LARGE1: variants seen among roughly 807,000 people sequenced by gnomAD.
LARGE1 encodes the protein xylosyl- and glucuronyltransferase LARGE1.
A neutral mutation model predicts 87.6 loss-of-function variants in LARGE1; 43 were observed. The ratio of observed to expected loss-of-function variants is 0.49; its 90% CI spans 0.38 to 0.63. LARGE1 has a LOEUF of 0.63. Ranked by LOEUF, LARGE1 falls within the 30% of genes least tolerant of loss-of-function variation. The pLI, the probability that LARGE1 is intolerant of heterozygous loss-of-function variation, is 0.00. For synonymous variants in LARGE1, 434 were observed against 394.6 expected (o/e 1.10, Z -1.18); for missense variants, 802 against 1,000.2 (o/e 0.80, Z 2.67).
At chr22:33,201,117 T>C (rs754682697) in intron 11 of LARGE1, among the ~76,000 whole-genome samples, 2 of 152,126 alleles carry the variant, frequency 1.3e-5, no homozygotes, top group African/African-American at 2.4e-5. Flanking sequence ...GTGACCAGCC[T>C]GACCAACATG....
chr22:33,876,305 C>T (rs941179274), intron 1 of LARGE1, among the ~76,000 whole-genome samples: 2 of 151,620 alleles, frequency 1.3e-5, no homozygotes, highest in Non-Finnish European at 2.9e-5. Flanking sequence ...TGTGGGCCCA[C>T]GAAGGTAATT....
At chr22:33,133,522 T>A in the LARGE1 span, among the ~76,000 whole-genome samples, 1 of 152,256 alleles carries the variant, frequency 6.6e-6, no homozygotes, top group African/African-American at 2.4e-5. Context: ...TCCTTTTTAA[T>A]GACTGCATAG....
chr22:33,663,800 A>G (rs923571852), intron 2 of LARGE1, among the ~76,000 whole-genome samples: 3 of 152,168 alleles, frequency 2.0e-5, no homozygotes, highest in Admixed American at 6.5e-5. Flanking sequence ...GAGCCCCTAC[A>G]TATACAAGCC....
intron 11 of LARGE1, among the ~76,000 whole-genome samples, chr22:33,181,392 A>G (rs967152181): frequency 6.6e-6 from 1 of 152,076 alleles, no homozygotes; most frequent in Non-Finnish European, 1.5e-5. Context: ...TAATATCTCC[A>G]TTTTAAAGAT....
the LARGE1 span, among the ~76,000 whole-genome samples, chr22:33,103,432 CAAAAAAAAAAA>C: frequency 8.9e-5 from 3 of 33,802 alleles, no homozygotes; most frequent in African/African-American, 3.3e-4. Flanking sequence ...GACTCTGTCT[CAAAAAAAAAAA>C]AAAAAAAAAA....
intron 9 of LARGE1, 122 bp downstream of exon 9, chr22:33,381,797 C>T: frequency 3.1e-6 from 4 of 1,284,200 alleles, no homozygotes; most frequent in Non-Finnish European, 4.5e-6. Flanking sequence ...ACTCATTCTG[C>T]TCTCCTGTGC....
Position 33,635,155 on chromosome 22 carries a change from A to G in LARGE1, c.409-8829T>C, listed in dbSNP as rs141540560. 2.0e-5 allele frequency among the ~76,000 whole-genome samples: 3 copies of G among 151,868 alleles called. No individual in the cohort carries two copies. In the East Asian group the frequency reaches 5.8e-4, roughly 30 times the overall value. On this transcript the variant is annotated intron_variant, in intron 3 of 14. Transcript: ENST00000397394. Reference sequence around the variant, plus strand: ...AAGAAAAAGAATCCCACAGTGGCCAATCTGGAGATTCACTCCTTATCTATG... The same window carrying G: ...AAGAAAAAGAATCCCACAGTGGCCAGTCTGGAGATTCACTCCTTATCTATG...
intron 2 of LARGE1, among the ~76,000 whole-genome samples, chr22:33,659,744 T>TAAAAAAAAAAAAAAAAAAAAAAAAAA (rs71187276): frequency 8.2e-6 from 1 of 122,080 alleles, no homozygotes; most frequent in African/African-American, 3.1e-5. Context: ...GAAGAACAGT[T>TAAAAAAAAAAAAAAAAAAAAAAAAAA]AAAAAAAAAA....
In LARGE1 at chr22:33,262,792, TTTCC is replaced by T. The variant is rs112603959; in HGVS notation, c.1730+41433_1730+41436del. ...CCTTTCCTTCCTTCCTTCCCTTCCCTTTCCTTCCTTCCTTCCTTCTTTCCTTCCT... is the reference window on the plus strand; with the variant it reads ...CCTTTCCTTCCTTCCTTCCCTTCCCTTTCCTTCCTTCCTTCTTTCCTTCCT... On this transcript the variant is annotated intron_variant, in intron 11 of 11. Coordinates refer to the LARGE1 transcript ENST00000608642. Among the ~76,000 whole-genome samples, 198 of 147,794 alleles carry T rather than the reference TTTCC, an allele frequency of 1.3e-3. 1 individual carries two copies. Among genetic ancestry groups the T allele is most frequent in the South Asian group, 4.3e-3 (20 of 4,612 alleles).
intron 6 of LARGE1, among the ~76,000 whole-genome samples, chr22:33,498,754 G>C (rs1332654612): frequency 6.6e-6 from 1 of 152,204 alleles, no homozygotes; most frequent in African/African-American, 2.4e-5. Flanking sequence ...GGCGGATCAC[G>C]AGGTCAGGAG....
chr22:33,735,164 G>A (rs938032994), intron 2 of LARGE1, among the ~76,000 whole-genome samples: 2 of 152,110 alleles, frequency 1.3e-5, no homozygotes, highest in Admixed American at 1.3e-4. Flanking sequence ...AAGAAGCTTT[G>A]GCCCTTCTCA....
At chr22:33,899,528 G>A (rs1000235170) in intron 1 of LARGE1, among the ~76,000 whole-genome samples, 1 of 152,170 alleles carries the variant, frequency 6.6e-6, no homozygotes, top group Non-Finnish European at 1.5e-5. Context: ...CTGGAAGCAT[G>A]ACAGCCAAGG....
At chr22:33,831,749 TACACACACACAC>T (rs5845118) in intron 1 of LARGE1, among the ~76,000 whole-genome samples, 4 of 146,864 alleles carry the variant, frequency 2.7e-5, no homozygotes, top group East Asian at 2.1e-4. Context: ...CACATGCATG[TACACACACACAC>T]ACACACACAC....
At chr22:33,463,220 AATAAATCCAACT>A (rs2068450283) in intron 6 of LARGE1, among the ~76,000 whole-genome samples, 1 of 152,170 alleles carries the variant, frequency 6.6e-6, no homozygotes, top group Non-Finnish European at 1.5e-5. Context: ...TGGGAATTTA[AATAAATCCAACT>A]ATATATCATT....
chr22:33,432,783 G>T (rs938812914), intron 6 of LARGE1, among the ~76,000 whole-genome samples: 6 of 152,168 alleles, frequency 3.9e-5, no homozygotes, highest in African/African-American at 1.4e-4. Flanking sequence ...TGAGACGAGA[G>T]CCCAAAGAGA....
intron 4 of LARGE1, among the ~76,000 whole-genome samples, chr22:33,605,251 T>A (rs2079221190): frequency 6.6e-6 from 1 of 152,098 alleles, no homozygotes; most frequent in African/African-American, 2.4e-5. Flanking sequence ...TTAATACTTT[T>A]GATAATAAAA....
intron 1 of LARGE1, among the ~76,000 whole-genome samples, chr22:33,882,470 A>G (rs1296736021): frequency 6.6e-6 from 1 of 152,158 alleles, no homozygotes; most frequent in African/African-American, 2.4e-5. Flanking sequence ...AGCAGTGATA[A>G]AGGGGCAGGT....
At chr22:33,370,086 A>G (rs1308832853) in intron 9 of LARGE1, among the ~76,000 whole-genome samples, 1 of 152,218 alleles carries the variant, frequency 6.6e-6, no homozygotes, top group East Asian at 1.9e-4. Flanking sequence ...GCAGTTAACT[A>G]AGGGGACTGA....
rs748964975 is a variant in LARGE1 at position 33,337,809 on chromosome 22, G to A, written c.1132-8C>T. 19 of 1,614,068 alleles carry A rather than the reference G, an allele frequency of 1.2e-5. No individual in the cohort carries two copies. In the East Asian group the frequency reaches 3.8e-4, roughly 32 times the overall value. ...GGAGTTCCAGTGAATGACCTGGCAG[G>A]GAGATAAGGAAGTGGTCAGGTATGG... On this transcript the variant is annotated splice_polypyrimidine_tract_variant and splice_region_variant and intron_variant, in intron 9 of 14. Transcript: ENST00000397394.
Sources: allele counts gnomAD v4.1 joint callset (sites outside exome capture counted in the v4.1 genomes callset), GRCh38; gene constraint gnomAD v4.1.1; transcripts MANE v1.5; gene names NCBI Gene and HGNC (gene_info 2026-07-23, HGNC 2026-07-21).